UPF3A: variants seen among roughly 807,000 people sequenced by gnomAD.
UPF3A encodes UPF3A regulator of nonsense mediated mRNA decay.
In UPF3A, 42 loss-of-function variants were observed where a neutral mutation model predicts 53.5. The ratio of observed to expected loss-of-function variants is 0.78; its 90% CI spans 0.61 to 1.01. The LOEUF (loss-of-function observed/expected upper bound fraction) is 1.01. Ranked by LOEUF, UPF3A falls within the 50% of genes least tolerant of loss-of-function variation. The probability of loss-of-function intolerance (pLI) is 0.00; values close to 1 mark genes in which losing one functional copy is unlikely to be tolerated. For synonymous variants in UPF3A, 237 were observed against 225.3 expected (o/e 1.05, Z -0.47); for missense variants, 575 against 598.0 (o/e 0.96, Z 0.40).
At chr13:114,295,802 G>A (rs2085925541) in intron 7 of UPF3A, among the ~76,000 whole-genome samples, 1 of 152,192 alleles carries the variant, frequency 6.6e-6, no homozygotes. Context: ...ATTCCCTAGT[G>A]CCTAGCACAG....
chr13:114,302,256 A>G (rs550904522), intron 9 of UPF3A, among the ~76,000 whole-genome samples: 28 of 152,332 alleles, frequency 1.8e-4, no homozygotes, highest in African/African-American at 6.3e-4. Context: ...TTTAGTATAA[A>G]ACTAGCACGT....
At chr13:114,284,372 C>T (rs761006459) in intron 3 of UPF3A, among the ~76,000 whole-genome samples, 1 of 138,976 alleles carries the variant, frequency 7.2e-6, no homozygotes, top group African/African-American at 3.0e-5. Context: ...TGTGTATGTA[C>T]GTGTATGTAT....
intron 7 of UPF3A, among the ~76,000 whole-genome samples, chr13:114,298,089 G>T (rs2139330751): frequency 6.6e-6 from 1 of 151,636 alleles, no homozygotes; most frequent in East Asian, 2.0e-4. Context: ...ATAGAAGTGG[G>T]GGCTGGGCAC....
At chr13:114,290,907 A>AT in intron 5 of UPF3A, among the ~76,000 whole-genome samples, 1 of 149,844 alleles carries the variant, frequency 6.7e-6, no homozygotes, top group Non-Finnish European at 1.5e-5. Context: ...CTAATTTTGT[A>AT]TTTTTTCAGT....
intron 3 of UPF3A, chr13:114,285,331 T>G (rs1045750630): frequency 2.6e-5 from 4 of 152,276 alleles, no homozygotes; most frequent in African/African-American, 9.6e-5. Flanking sequence ...CTGATTACTT[T>G]CAGCTTTGGA....
At chr13:114,301,665 A>C (rs921004338) in intron 8 of UPF3A, 66 bp from the exon 9 acceptor site, 1 of 1,533,892 alleles carries the variant, frequency 6.5e-7, no homozygotes, top group African/African-American at 1.4e-5. Flanking sequence ...CCTGTGGTCT[A>C]GAAAGGAGGG....
chr13:114,295,719 C>T (rs975624212), intron 7 of UPF3A, among the ~76,000 whole-genome samples: 4 of 152,178 alleles, frequency 2.6e-5, no homozygotes, highest in East Asian at 1.9e-4. Flanking sequence ...CCCCCTTGAC[C>T]ACCGTTGCCT....
rs1164944735 is a variant in UPF3A at position 114,295,154 on chromosome 13, G to A, written c.846+3362G>A. 4.0e-5 allele frequency among the ~76,000 whole-genome samples: 6 copies of A among 151,798 alleles called. No individual in the cohort carries two copies. The East Asian group carries it at 9.6e-4, about 24-fold the overall frequency. On this transcript the variant is annotated intron_variant, in intron 7 of 9. Transcript: ENST00000375299. ...GAAAAGAAATACGGCACACAGAACA[G>A]CTCAGCTGTTTAATGTTCCTCTGAG...
At chr13:114,304,299 C>T (rs1422712786) in intron 9 of UPF3A, among the ~76,000 whole-genome samples, 1 of 152,206 alleles carries the variant, frequency 6.6e-6, no homozygotes, top group East Asian at 1.9e-4. Context: ...CCTTCATGGA[C>T]TTCATGGGTC....
intron 7 of UPF3A, among the ~76,000 whole-genome samples, chr13:114,297,255 G>T (rs2139322472): frequency 6.7e-6 from 1 of 149,352 alleles, no homozygotes; most frequent in South Asian, 2.2e-4. Flanking sequence ...TCTCAAGTTA[G>T]CTGAGGTGCT....
intron 5 of UPF3A, chr13:114,287,039 A>G (rs1313762598): frequency 6.2e-6 from 1 of 161,874 alleles, no homozygotes; most frequent in East Asian, 1.8e-4. Flanking sequence ...CTTCAACACA[A>G]ATGCCAGGCT....
At chr13:114,299,097 A>T in intron 8 of UPF3A, 97 bp downstream of exon 8, 2 of 1,275,436 alleles carry the variant, frequency 1.6e-6, no homozygotes, top group Non-Finnish European at 1.0e-6. Flanking sequence ...TGTTCTTGGA[A>T]TCCAAGACTT....
At chr13:114,298,803 C>T in intron 7 of UPF3A, 37 bp from the exon 8 acceptor site, 1 of 1,474,236 alleles carries the variant, frequency 6.8e-7, no homozygotes, top group Non-Finnish European at 9.0e-7. Flanking sequence ...AAAATATGCT[C>T]TCAAGGTGAT....
intron 8 of UPF3A, 140 bp from the exon 9 acceptor site, chr13:114,301,591 C>T: frequency 1.5e-6 from 1 of 688,250 alleles, no homozygotes; most frequent in Non-Finnish European, 2.5e-6. Flanking sequence ...GCTGTGTGCC[C>T]ATCGCAGTGC....
rs1269049664 is a variant in UPF3A at position 114,286,595 on chromosome 13, G to T, written c.597G>T (p.Leu199=). 3 of 1,613,426 alleles carry T rather than the reference G, an allele frequency of 1.9e-6. No homozygotes were observed. The highest frequency in any genetic ancestry group is 2.5e-6 in the Non-Finnish European group (3 of 1,179,766). ...CCAGTGCCAACCCTGAGACTCTGCT[G>T]GGGGAGATGGAGGCGAAGACAAGAG... ...EKTSANPETL[L]GEMEAKTREL... The change falls in exon 5 of 10, where the codon CTG becomes CTT. Residue 199 remains leucine (L), a synonymous_variant. Coordinates refer to ENST00000375299, the MANE Select transcript of UPF3A (RefSeq NM_023011.4).
At chr13:114,284,698 C>T (rs1237781386) in intron 3 of UPF3A, among the ~76,000 whole-genome samples, 1 of 137,798 alleles carries the variant, frequency 7.3e-6, no homozygotes, top group Non-Finnish European at 1.6e-5. Flanking sequence ...GACTCTGTCT[C>T]AAAAAAAAAA....
intron 5 of UPF3A, among the ~76,000 whole-genome samples, chr13:114,289,520 C>T (rs2139209913): frequency 8.5e-6 from 1 of 117,252 alleles, no homozygotes; most frequent in East Asian, 3.4e-4. Context: ...AAGACTCCAT[C>T]TCAAAAAAAA....
At chr13:114,296,998 A>G (rs2086107602) in intron 7 of UPF3A, among the ~76,000 whole-genome samples, 1 of 152,222 alleles carries the variant, frequency 6.6e-6, no homozygotes, top group Admixed American at 6.5e-5. Flanking sequence ...CAGATTCCAC[A>G]TAGGCAGAAT....
At chr13:114,283,933 G>C in intron 3 of UPF3A, 1 of 985,348 alleles carries the variant, frequency 1.0e-6, no homozygotes, top group Non-Finnish European at 1.2e-6. Context: ...GAGGGGTAAG[G>C]ACTAGAAAGA....
Sources: gnomAD v4.1 joint callset for allele counts (sites outside exome capture counted in the v4.1 genomes callset) on GRCh38, gnomAD v4.1.1 for gene constraint, MANE v1.5 for transcripts, NCBI Gene and HGNC (gene_info 2026-07-23, HGNC 2026-07-21) for gene names.